Variants in CCDC171 observed in about 807,000 individuals in gnomAD.
CCDC171 encodes coiled-coil domain-containing protein 171.
In CCDC171, 177 loss-of-function variants were observed where a neutral mutation model predicts 168.2. That is an observed-to-expected ratio of 1.05 (90% CI 0.93 to 1.19). CCDC171 has a LOEUF of 1.19. CCDC171 is among the 50% of genes most tolerant of loss of function. The probability of loss-of-function intolerance (pLI) is 0.00; values close to 1 mark genes in which losing one functional copy is unlikely to be tolerated. For synonymous variants in CCDC171, 687 were observed against 540.8 expected (o/e 1.27, Z -3.75); for missense variants, 1,991 against 1,539.0 (o/e 1.29, Z -4.91).
chr9:15,945,118 G>A (rs896986971), intron 25 of CCDC171, among the ~76,000 whole-genome samples: 19 of 150,294 alleles, frequency 1.3e-4, no homozygotes, highest in African/African-American at 4.6e-4. Flanking sequence ...CTATGAGTGA[G>A]AATATGCGGT....
chr9:16,085,937 C>T, the CCDC171 span, among the ~76,000 whole-genome samples: 9 of 152,158 alleles, frequency 5.9e-5, no homozygotes, highest in Admixed American at 1.3e-4. Context: ...TTTATTGTTA[C>T]GTCTCTGCCA....
At chr9:15,689,426 G>A (rs79847976) in intron 10 of CCDC171, among the ~76,000 whole-genome samples, 2,740 of 152,230 alleles carry the variant, frequency 0.018, 145 homozygotes, top group Admixed American at 0.11. Context: ...GGAAATATAA[G>A]GAGGCCCAGC....
intron 23 of CCDC171, among the ~76,000 whole-genome samples, chr9:15,851,054 C>T (rs1339012443): frequency 1.3e-5 from 2 of 151,938 alleles, no homozygotes; most frequent in African/African-American, 2.4e-5. Context: ...ACACAATAAT[C>T]AAATAGAAGA....
At chr9:15,822,748 T>C (rs933254101) in intron 21 of CCDC171, among the ~76,000 whole-genome samples, 1 of 152,148 alleles carries the variant, frequency 6.6e-6, no homozygotes, top group African/African-American at 2.4e-5. Context: ...GACTGTAAAC[T>C]AGTTCAACCA....
At chr9:15,610,960 A>T (rs983247445) in intron 6 of CCDC171, among the ~76,000 whole-genome samples, 1 of 152,232 alleles carries the variant, frequency 6.6e-6, no homozygotes, top group Non-Finnish European at 1.5e-5. Context: ...CCCAAATCTC[A>T]TATTGAAATG....
intron 21 of CCDC171, 131 bp downstream of exon 21, chr9:15,784,825 A>C (rs1008527891): frequency 3.1e-6 from 2 of 649,512 alleles, no homozygotes; most frequent in African/African-American, 3.7e-5. Flanking sequence ...GATAGAATGA[A>C]ACATGTTTCT....
At chr9:15,700,386 G>C (rs1400617483) in intron 11 of CCDC171, among the ~76,000 whole-genome samples, 1 of 152,232 alleles carries the variant, frequency 6.6e-6, no homozygotes, top group Non-Finnish European at 1.5e-5. Context: ...TGGCCTGCAA[G>C]CGCTGCGCGC....
At chr9:15,577,177 A>G (rs1191330449) in intron 3 of CCDC171, among the ~76,000 whole-genome samples, 5 of 152,216 alleles carry the variant, frequency 3.3e-5, no homozygotes, top group Non-Finnish European at 5.9e-5. Flanking sequence ...AGGTTTGTTC[A>G]TAACCTTATC....
intron 7 of CCDC171, among the ~76,000 whole-genome samples, chr9:15,641,286 T>A (rs529052942): frequency 1.3e-5 from 2 of 152,332 alleles, no homozygotes; most frequent in East Asian, 3.9e-4. Flanking sequence ...GTACTCATGA[T>A]AATTCATCTC....
chr9:15,742,559 G>A (rs751978173), intron 16 of CCDC171, among the ~76,000 whole-genome samples: 1 of 152,184 alleles, frequency 6.6e-6, no homozygotes, highest in Non-Finnish European at 1.5e-5. Context: ...AGTCTGCGTA[G>A]CTACTGCTTC....
intron 11 of CCDC171, among the ~76,000 whole-genome samples, chr9:15,719,503 A>G (rs2053332114): frequency 6.6e-6 from 1 of 151,596 alleles, no homozygotes; most frequent in African/African-American, 2.4e-5. Flanking sequence ...GAAATATATC[A>G]TTATTCAAGT....
intron 3 of CCDC171, among the ~76,000 whole-genome samples, chr9:15,983,763 C>A (rs1052116135): frequency 5.7e-5 from 8 of 141,364 alleles, no homozygotes; most frequent in African/African-American, 1.9e-4. Flanking sequence ...TATAATAATG[C>A]ATTTATTTGT....
At chr9:15,873,154 A>C (rs1817400591) in intron 23 of CCDC171, among the ~76,000 whole-genome samples, 1 of 152,056 alleles carries the variant, frequency 6.6e-6, no homozygotes, top group African/African-American at 2.4e-5. Context: ...TTATGCCCAT[A>C]GATTAGCGTG....
chr9:15,777,527 T>A (rs2057391478), intron 18 of CCDC171, 73 bp from the exon 19 acceptor site: 1 of 766,872 alleles, frequency 1.3e-6, no homozygotes, highest in Non-Finnish European at 2.1e-6. Flanking sequence ...ATTTTCATTA[T>A]GTGATTAGCA....
intron 3 of CCDC171, among the ~76,000 whole-genome samples, chr9:16,012,751 G>C (rs957286706): frequency 2.6e-5 from 4 of 151,926 alleles, no homozygotes; most frequent in Non-Finnish European, 4.4e-5. Context: ...GCTCATCTTG[G>C]TCATTCTTAT....
chr9:16,040,861 ACT>A (rs1367553557), upstream of CCDC171, among the ~76,000 whole-genome samples: 1 of 151,646 alleles, frequency 6.6e-6, no homozygotes, highest in Admixed American at 6.6e-5. Context: ...TTCTGTTGAG[ACT>A]CTGCAAAGAT....
intron 6 of CCDC171, among the ~76,000 whole-genome samples, chr9:15,606,992 T>G (rs774316124): frequency 6.6e-6 from 1 of 152,220 alleles, no homozygotes; most frequent in Non-Finnish European, 1.5e-5. Context: ...AAGTTACATT[T>G]ATTTGGGATG....
At chr9:15,902,245 CATATATATATATAT>C (rs944291659) in intron 24 of CCDC171, among the ~76,000 whole-genome samples, 1 of 107,494 alleles carries the variant, frequency 9.3e-6, no homozygotes, top group African/African-American at 4.3e-5. Flanking sequence ...CTATAAAATT[CATATATATATATAT>C]ATGTATATAT....
chr9:16,081,722 A>G, the CCDC171 span, among the ~76,000 whole-genome samples: 6 of 152,106 alleles, frequency 3.9e-5, no homozygotes, highest in Admixed American at 3.9e-4. Context: ...AACCTTAAAG[A>G]AAATAAGAAT....
Sources: gnomAD v4.1 joint callset for allele counts (sites outside exome capture counted in the v4.1 genomes callset) on GRCh38, gnomAD v4.1.1 for gene constraint, MANE v1.5 for transcripts, NCBI Gene and HGNC (gene_info 2026-07-23, HGNC 2026-07-21) for gene names.